The following LINGO2 variants were observed in gnomAD, a reference collection of about 807,000 sequenced individuals.
LINGO2 encodes the protein leucine-rich repeat and immunoglobulin-like domain-containing nogo receptor-interacting protein 2.
Under a neutral mutation model 30.6 loss-of-function variants are expected in LINGO2, and 14 were observed. The observed-to-expected ratio is 0.46, with a 90% CI of 0.30 to 0.72. The LOEUF is 0.72. Ranked by LOEUF, LINGO2 falls within the 30% of genes least tolerant of loss-of-function variation. LINGO2 has a pLI of 0.07. For synonymous variants in LINGO2, 317 were observed against 288.5 expected, an observed-to-expected ratio of 1.10 and a Z score of -1.00; for missense variants, 729 against 751.7, an observed-to-expected ratio of 0.97 and a Z score of 0.35.
chr9:28,876,112 C>T, the LINGO2 span, among the ~76,000 whole-genome samples: 2 of 152,054 alleles, frequency 1.3e-5, no homozygotes, highest in African/African-American at 4.8e-5. Context: ...TGGCAGTAGT[C>T]AGTGGCATTG....
At chr9:28,118,253 C>A (rs987615747) in intron 4 of LINGO2, among the ~76,000 whole-genome samples, 2 of 152,038 alleles carry the variant, frequency 1.3e-5, no homozygotes, top group African/African-American at 2.4e-5. Context: ...AAATTAGAGT[C>A]CAGAGAATGC....
the LINGO2 span, among the ~76,000 whole-genome samples, chr9:29,176,941 C>T: frequency 6.6e-6 from 1 of 152,152 alleles, no homozygotes; most frequent in African/African-American, 2.4e-5. Flanking sequence ...GTTTAAGCAA[C>T]ACCGAAAAGG....
intron 5 of LINGO2, among the ~76,000 whole-genome samples, chr9:27,956,975 T>C (rs1350550168): frequency 2.0e-5 from 3 of 152,032 alleles, no homozygotes; most frequent in Non-Finnish European, 4.4e-5. Flanking sequence ...TGCATCTGTA[T>C]TCCTAGCTAC....
the LINGO2 span, among the ~76,000 whole-genome samples, chr9:28,937,857 G>C: frequency 6.6e-6 from 1 of 151,952 alleles, no homozygotes; most frequent in Non-Finnish European, 1.5e-5. Context: ...GTAACATGGG[G>C]GTTTGTTGTA....
the LINGO2 span, among the ~76,000 whole-genome samples, chr9:28,933,819 C>A: frequency 6.6e-6 from 1 of 152,284 alleles, no homozygotes; most frequent in Middle Eastern, 3.4e-3. Context: ...TCTTTGTAAC[C>A]AAGGATAATC....
the LINGO2 span, among the ~76,000 whole-genome samples, chr9:29,027,281 C>A: frequency 2.0e-5 from 3 of 152,124 alleles, no homozygotes; most frequent in Non-Finnish European, 4.4e-5. Flanking sequence ...TGTCTTCAAT[C>A]ATAAATTATA....
the LINGO2 span, among the ~76,000 whole-genome samples, chr9:29,087,503 T>A: frequency 6.6e-6 from 1 of 152,146 alleles, no homozygotes; most frequent in Non-Finnish European, 1.5e-5. Flanking sequence ...AATTAGCAAG[T>A]AATGAAACTA....
intron 1 of LINGO2, among the ~76,000 whole-genome samples, chr9:28,504,084 A>G (rs1188247798): frequency 6.6e-6 from 1 of 151,876 alleles, no homozygotes; most frequent in Non-Finnish European, 1.5e-5. Flanking sequence ...ACGGTTCACT[A>G]ATCTATTCTG....
chr9:28,580,425 G>T (rs1053915033), intron 1 of LINGO2, among the ~76,000 whole-genome samples: 7 of 151,860 alleles, frequency 4.6e-5, no homozygotes, highest in African/African-American at 1.2e-4. Flanking sequence ...AAATACACGC[G>T]ATTCTCTGGT....
At chr9:28,597,990 C>T (rs973241519) in intron 1 of LINGO2, among the ~76,000 whole-genome samples, 5 of 152,094 alleles carry the variant, frequency 3.3e-5, no homozygotes, top group African/African-American at 1.2e-4. Context: ...GTCTCGAACT[C>T]CAGGCCCCAT....
At chr9:29,048,001 C>G in the LINGO2 span, among the ~76,000 whole-genome samples, 1 of 151,976 alleles carries the variant, frequency 6.6e-6, no homozygotes, top group Admixed American at 6.6e-5. Flanking sequence ...ATCCTAGCTA[C>G]TCAGGAGTTT....
the LINGO2 span, among the ~76,000 whole-genome samples, chr9:28,860,100 A>G: frequency 6.6e-6 from 1 of 152,102 alleles, no homozygotes; most frequent in Admixed American, 6.6e-5. Context: ...ATTCCCATAG[A>G]AATATGTGGA....
rs546651940 is a variant in LINGO2 at position 28,047,829 on chromosome 9, TCAG to T, written c.-86-35427_-86-35425del. On this transcript the variant is annotated intron_variant, in intron 4 of 5. Coordinates refer to ENST00000379992, the Ensembl canonical transcript of LINGO2. ...TTTTTTTACAGAAACCTATAAATCT[TCAG>T]AAGAATAAAGGTAGGTATAATTTTT... Among the ~76,000 whole-genome samples the T allele has an allele frequency of 8.2e-4, 124 of 150,924 alleles. 3 individuals carry two copies. Among genetic ancestry groups the T allele is most frequent in the African/African-American group, 2.6e-3 (108 of 40,926 alleles).
At chr9:28,956,587 CCCCT>C in the LINGO2 span, among the ~76,000 whole-genome samples, 6 of 60,576 alleles carry the variant, frequency 9.9e-5, no homozygotes, top group Non-Finnish European at 2.4e-4. Flanking sequence ...TCCCTCCCTC[CCCCT>C]TTCCTTCCTC....
At chr9:27,971,754 G>A (rs1050152021) in intron 5 of LINGO2, among the ~76,000 whole-genome samples, 1 of 152,138 alleles carries the variant, frequency 6.6e-6, no homozygotes, top group African/African-American at 2.4e-5. Flanking sequence ...TCAAGGATAA[G>A]TCAGGTTTGT....
At chr9:27,958,197 G>A (rs961416959) in intron 5 of LINGO2, among the ~76,000 whole-genome samples, 3 of 152,088 alleles carry the variant, frequency 2.0e-5, no homozygotes, top group African/African-American at 7.2e-5. Flanking sequence ...TGTATCTATG[G>A]AGATGATCTT....
intron 1 of LINGO2, among the ~76,000 whole-genome samples, chr9:28,565,568 T>C (rs930454030): frequency 4.1e-5 from 6 of 145,140 alleles, no homozygotes; most frequent in Non-Finnish European, 1.5e-5. Context: ...AATTATTTTT[T>C]TGAGACGGAG....
chr9:28,894,288 A>G, the LINGO2 span, among the ~76,000 whole-genome samples: 1 of 152,028 alleles, frequency 6.6e-6, no homozygotes, highest in Non-Finnish European at 1.5e-5. Context: ...TTTATTCTAT[A>G]TGGTTGCTGT....
intron 5 of LINGO2, among the ~76,000 whole-genome samples, chr9:27,987,781 A>G (rs1020442379): frequency 1.3e-5 from 2 of 151,938 alleles, no homozygotes; most frequent in African/African-American, 4.8e-5. Flanking sequence ...TCAAGTACCC[A>G]GATTCATTTA....
Sources: allele counts gnomAD v4.1 joint callset (sites outside exome capture counted in the v4.1 genomes callset), GRCh38; gene constraint gnomAD v4.1.1; transcripts MANE v1.5; gene names NCBI Gene and HGNC (gene_info 2026-07-23, HGNC 2026-07-21).